The following STPG2 variants were observed in gnomAD, a reference collection of about 807,000 sequenced individuals.
The protein encoded by STPG2 is sperm tail PG-rich repeat containing 2, also known as sperm-tail PG-rich repeat-containing protein 2.
STPG2 carries 56 observed loss-of-function variants against 54.2 expected under a neutral mutation model. The observed-to-expected ratio is 1.03, with a 90% CI of 0.83 to 1.29. The LOEUF (loss-of-function observed/expected upper bound fraction) is 1.29, where lower values mean the gene tolerates loss of function less well. STPG2 is among the 50% of genes most tolerant of loss of function. The pLI is 0.00. For synonymous variants in STPG2, 200 were observed against 181.8 expected, an observed-to-expected ratio of 1.10 and a Z score of -0.81; for missense variants, 596 against 544.9, an observed-to-expected ratio of 1.09 and a Z score of -0.93.
chr4:97,845,804 A>G (rs1728931907), intron 8 of STPG2, among the ~76,000 whole-genome samples: 1 of 152,220 alleles, frequency 6.6e-6, no homozygotes, highest in African/African-American at 2.4e-5. Flanking sequence ...CTAAATTCCA[A>G]AAAGTAGAAG....
chr4:97,936,609 A>G (rs1346220928), intron 8 of STPG2, among the ~76,000 whole-genome samples: 1 of 152,074 alleles, frequency 6.6e-6, no homozygotes, highest in East Asian at 1.9e-4. Flanking sequence ...CTTGTCTGAA[A>G]ATGATTTTAT....
intron 4 of STPG2, 54 bp downstream of exon 4, chr4:98,109,139 A>G (rs759606661): frequency 2.8e-5 from 32 of 1,127,876 alleles, no homozygotes; most frequent in Non-Finnish European, 4.0e-5. Context: ...GAATTATTAA[A>G]ATACTTTTCT....
chr4:97,936,844 T>G (rs147266812), intron 8 of STPG2, among the ~76,000 whole-genome samples: 7 of 152,138 alleles, frequency 4.6e-5, no homozygotes, highest in Non-Finnish European at 5.9e-5. Flanking sequence ...GAGAATCTGA[T>G]GATTATGTGT....
At chr4:97,850,797 G>T (rs1020888108) in intron 8 of STPG2, among the ~76,000 whole-genome samples, 1 of 152,104 alleles carries the variant, frequency 6.6e-6, no homozygotes, top group African/African-American at 2.4e-5. Context: ...CCCCAAAAAA[G>T]TAGTTGCTTT....
intron 10 of STPG2, among the ~76,000 whole-genome samples, chr4:97,680,805 G>A (rs890745562): frequency 9.7e-5 from 9 of 92,392 alleles, no homozygotes; most frequent in East Asian, 2.8e-4. Context: ...TAACCATTAC[G>A]CTGTTACCCA....
chr4:97,859,920 T>C (rs1251939073), intron 8 of STPG2, among the ~76,000 whole-genome samples: 3 of 152,234 alleles, frequency 2.0e-5, no homozygotes, highest in African/African-American at 7.2e-5. Flanking sequence ...GAGATGAAGA[T>C]CCAGTTTCAC....
At chr4:97,760,149 C>A (rs1261456148) in intron 9 of STPG2, among the ~76,000 whole-genome samples, 1 of 152,078 alleles carries the variant, frequency 6.6e-6, no homozygotes, top group East Asian at 1.9e-4. Context: ...ATGTACTACT[C>A]CTAAAGCTTT....
At chr4:97,695,827 C>G (rs1251001192) in intron 10 of STPG2, among the ~76,000 whole-genome samples, 1 of 150,104 alleles carries the variant, frequency 6.7e-6, no homozygotes, top group Non-Finnish European at 1.5e-5. Context: ...GCAAGGAAAA[C>G]TACGAAACAC....
chr4:98,110,033 C>T (rs1000602895), intron 3 of STPG2, among the ~76,000 whole-genome samples: 7 of 152,134 alleles, frequency 4.6e-5, no homozygotes, highest in African/African-American at 1.7e-4. Flanking sequence ...CTAAAACATT[C>T]TTAGTTGAGA....
intron 9 of STPG2, among the ~76,000 whole-genome samples, chr4:97,837,952 C>A (rs1009822275): frequency 4.0e-5 from 6 of 151,442 alleles, no homozygotes; most frequent in Non-Finnish European, 8.9e-5. Flanking sequence ...TCCAATAATT[C>A]TCTATATAGA....
rs564662794 is a variant in STPG2, at chr4:97,452,176, C to A, written c.462+260523G>T. Among the ~76,000 whole-genome samples the A allele has an allele frequency of 4.2e-3, 606 of 143,982 alleles. 3 individuals are homozygous for A. The highest frequency in any genetic ancestry group is 0.022 in the South Asian group (94 of 4,244). The allele number at this position is 143,982 out of a possible 152,430, so 94.5% of individuals were successfully genotyped here. On this transcript the variant is annotated intron_variant, in intron 4 of 4. Transcript: ENST00000522676. ...GCAGCTGTAGCTATCCAAACCCTGGCTGCAGACTCAGGCATCCCTACACAC... is the reference window on the plus strand; with the variant it reads ...GCAGCTGTAGCTATCCAAACCCTGGATGCAGACTCAGGCATCCCTACACAC...
downstream of STPG2, among the ~76,000 whole-genome samples, chr4:97,556,577 C>T (rs1031248409): frequency 1.3e-4 from 20 of 152,138 alleles, no homozygotes; most frequent in Admixed American, 1.2e-3. Context: ...TGAATTCACA[C>T]AATCTGCATA....
intron 4 of STPG2, among the ~76,000 whole-genome samples, chr4:97,537,817 A>C (rs1731574854): frequency 6.6e-6 from 1 of 152,180 alleles, no homozygotes; most frequent in Admixed American, 6.5e-5. Flanking sequence ...CTGACACCTC[A>C]CATGGCCAGG....
chr4:97,586,190 C>T (rs1019403850), intron 10 of STPG2, among the ~76,000 whole-genome samples: 3 of 151,700 alleles, frequency 2.0e-5, no homozygotes, highest in African/African-American at 7.3e-5. Context: ...ATAGAAAACT[C>T]CCTGGATGGA....
At chr4:97,468,635 T>G (rs1190555044) in intron 4 of STPG2, among the ~76,000 whole-genome samples, 1 of 152,038 alleles carries the variant, frequency 6.6e-6, no homozygotes, top group African/African-American at 2.4e-5. Context: ...CCAAGCAGAT[T>G]TTCTGGAGGT....
intron 5 of STPG2, among the ~76,000 whole-genome samples, chr4:98,002,957 T>C (rs950513581): frequency 1.3e-5 from 2 of 152,080 alleles, no homozygotes; most frequent in African/African-American, 4.8e-5. Flanking sequence ...AAGGATAATA[T>C]TGTTTGCAGT....
chr4:98,052,871 G>A (rs551566345), intron 5 of STPG2, among the ~76,000 whole-genome samples: 8 of 152,206 alleles, frequency 5.3e-5, no homozygotes, highest in South Asian at 2.1e-4. Context: ...ACAACCACCC[G>A]ATGCTAAATT....
At chr4:97,807,026 G>C (rs1446678748) in intron 9 of STPG2, among the ~76,000 whole-genome samples, 1 of 151,792 alleles carries the variant, frequency 6.6e-6, no homozygotes, top group African/African-American at 2.4e-5. Context: ...TATTCCAGTT[G>C]CTTGATTTTC....
intron 4 of STPG2, among the ~76,000 whole-genome samples, chr4:98,107,860 A>G (rs1739231484): frequency 6.6e-6 from 1 of 152,120 alleles, no homozygotes; most frequent in African/African-American, 2.4e-5. Flanking sequence ...ACAAAAGCAT[A>G]TGTCAAGAAG....
Sources: allele counts gnomAD v4.1 joint callset (sites outside exome capture counted in the v4.1 genomes callset), GRCh38; gene constraint gnomAD v4.1.1; transcripts MANE v1.5; gene names NCBI Gene and HGNC (gene_info 2026-07-23, HGNC 2026-07-21).